Variants in NEGR1 observed in about 807,000 individuals in gnomAD.
The protein encoded by NEGR1 is IgLON family member 4.
NEGR1 carries 10 observed loss-of-function variants against 40.9 expected under a neutral mutation model. That is an observed-to-expected ratio of 0.24 (90% CI 0.15 to 0.42). The LOEUF is 0.42. Among genes scored for constraint, NEGR1 ranks in the 10% least tolerant of loss-of-function variants. The pLI, the probability that NEGR1 is intolerant of heterozygous loss-of-function variation, is 1.00. For missense variants in NEGR1, 352 were observed against 438.9 expected (o/e 0.80, Z 1.77); for synonymous variants, 185 against 166.8 (o/e 1.11, Z -0.84).
At chr1:71,416,280 GT>G (rs1325704287) in intron 6 of NEGR1, among the ~76,000 whole-genome samples, 2 of 152,144 alleles carry the variant, frequency 1.3e-5, no homozygotes, top group African/African-American at 4.8e-5. Context: ...TAAACTTGGA[GT>G]TTCATGATCA....
chr1:71,410,230 A>T (rs745942683), intron 6 of NEGR1, among the ~76,000 whole-genome samples: 2 of 152,126 alleles, frequency 1.3e-5, no homozygotes, highest in Non-Finnish European at 2.9e-5. Context: ...TTAGCTTGCA[A>T]TTGTTACAGG....
At chr1:71,684,141 G>T (rs797008238) in intron 4 of NEGR1, among the ~76,000 whole-genome samples, 1 of 151,952 alleles carries the variant, frequency 6.6e-6, no homozygotes, top group Non-Finnish European at 1.5e-5. Context: ...GTGGTGGTGG[G>T]CGCCTGTAGT....
intron 3 of NEGR1, among the ~76,000 whole-genome samples, chr1:71,757,939 C>T (rs1466034543): frequency 6.6e-6 from 1 of 151,984 alleles, no homozygotes; most frequent in Non-Finnish European, 1.5e-5. Context: ...ATAATAATAG[C>T]TAAAAAGTTA....
chr1:72,224,048 G>A (rs1654097804), intron 1 of NEGR1, among the ~76,000 whole-genome samples: 1 of 152,044 alleles, frequency 6.6e-6, no homozygotes, highest in Non-Finnish European at 1.5e-5. Flanking sequence ...ATGCTGATAA[G>A]TGACAACATC....
At chr1:71,505,288 T>A (rs1404594392) in intron 6 of NEGR1, among the ~76,000 whole-genome samples, 3 of 151,244 alleles carry the variant, frequency 2.0e-5, no homozygotes, top group Non-Finnish European at 2.9e-5. Flanking sequence ...TTTCTTTTTC[T>A]TTTTTTTTCT....
intron 4 of NEGR1, among the ~76,000 whole-genome samples, chr1:71,663,725 G>A (rs189010260): frequency 3.0e-4 from 46 of 152,116 alleles, no homozygotes; most frequent in Middle Eastern, 3.4e-3. Context: ...AAATATCTCC[G>A]TGTGCCTTCA....
At chr1:72,083,544 A>T (rs866375188) in intron 1 of NEGR1, among the ~76,000 whole-genome samples, 1 of 152,180 alleles carries the variant, frequency 6.6e-6, no homozygotes, top group East Asian at 1.9e-4. Context: ...GTCTTTAAAA[A>T]ATAAATGTAA....
chr1:72,167,885 T>C (rs1029904492), intron 1 of NEGR1, among the ~76,000 whole-genome samples: 1 of 151,958 alleles, frequency 6.6e-6, no homozygotes, highest in Non-Finnish European at 1.5e-5. Context: ...ATAAAACTCA[T>C]CTCTAAAGCA....
At chr1:71,697,594 T>C (rs1653520724) in intron 4 of NEGR1, among the ~76,000 whole-genome samples, 2 of 151,862 alleles carry the variant, frequency 1.3e-5, no homozygotes, top group Admixed American at 1.3e-4. Context: ...ACACTTCAGC[T>C]CTTTTCTTTG....
intron 2 of NEGR1, among the ~76,000 whole-genome samples, chr1:71,873,726 G>A (rs1660345524): frequency 6.6e-6 from 1 of 152,072 alleles, no homozygotes; most frequent in Non-Finnish European, 1.5e-5. Context: ...GACTATGATG[G>A]GTAATGCCAC....
intron 4 of NEGR1, among the ~76,000 whole-genome samples, chr1:71,615,041 C>G (rs1220561228): frequency 6.6e-6 from 1 of 151,972 alleles, no homozygotes; most frequent in African/African-American, 2.4e-5. Flanking sequence ...GTTAAAGGTC[C>G]AAGTGTTGTG....
Position 72,127,463 on chromosome 1 carries a change from CA to C in NEGR1, c.176+154855del, listed in dbSNP as rs56301492. On this transcript the variant is annotated intron_variant, in intron 1 of 6. Transcript: ENST00000357731. ...TGGGCGACAGAGCAAGGCTCTGTCT[CA>C]AAAAAAAAAAAAAAAAAAAAAAAAA... is the stretch of plus-strand genomic sequence containing the variant. 5.9e-3 allele frequency among the ~76,000 whole-genome samples: 233 copies of C among 39,290 alleles called. 14 individuals carry two copies. Among genetic ancestry groups the C allele is most frequent in the Admixed American group, 6.7e-3 (12 of 1,804 alleles). The allele number at this position is 39,290 out of a possible 152,430, so 25.8% of individuals were successfully genotyped here.
intron 2 of NEGR1, among the ~76,000 whole-genome samples, chr1:71,813,149 T>G (rs1275289208): frequency 6.6e-6 from 1 of 152,304 alleles, no homozygotes; most frequent in African/African-American, 2.4e-5. Flanking sequence ...TTTCTGTATA[T>G]GGCTAGCCAG....
chr1:71,450,167 T>C (rs1476697089), intron 6 of NEGR1, among the ~76,000 whole-genome samples: 3 of 151,886 alleles, frequency 2.0e-5, no homozygotes, highest in Admixed American at 6.6e-5. Flanking sequence ...ATTTTTGTAT[T>C]TTTAGTAGAG....
At chr1:72,035,539 C>G (rs1158232804) in intron 1 of NEGR1, among the ~76,000 whole-genome samples, 1 of 152,058 alleles carries the variant, frequency 6.6e-6, no homozygotes, top group Non-Finnish European at 1.5e-5. Context: ...AAGTTTTAGA[C>G]TTTGTGTCTA....
At chr1:72,187,263 G>A (rs888585532) in intron 1 of NEGR1, among the ~76,000 whole-genome samples, 3 of 151,176 alleles carry the variant, frequency 2.0e-5, no homozygotes, top group African/African-American at 7.3e-5. Context: ...AACTTCAAAA[G>A]TTTATCAGTA....
intron 1 of NEGR1, among the ~76,000 whole-genome samples, chr1:72,176,132 T>G (rs1570082917): frequency 1.3e-5 from 2 of 152,200 alleles, no homozygotes; most frequent in African/African-American, 4.8e-5. Flanking sequence ...ACAACACATT[T>G]CCATAAGTCA....
chr1:71,657,617 G>T (rs992201733), intron 4 of NEGR1, among the ~76,000 whole-genome samples: 6 of 152,134 alleles, frequency 3.9e-5, no homozygotes, highest in Non-Finnish European at 7.3e-5. Context: ...AAACATTGGG[G>T]TCTGGCAGGA....
intron 2 of NEGR1, among the ~76,000 whole-genome samples, chr1:71,864,067 T>A (rs993801853): frequency 2.6e-5 from 4 of 152,170 alleles, no homozygotes; most frequent in African/African-American, 9.7e-5. Context: ...AAAATTTGTT[T>A]AGGTGGCAGT....
Sources: allele counts gnomAD v4.1 joint callset (sites outside exome capture counted in the v4.1 genomes callset), GRCh38; gene constraint gnomAD v4.1.1; transcripts MANE v1.5; gene names NCBI Gene and HGNC (gene_info 2026-07-23, HGNC 2026-07-21).